Variants in TNFSF4 observed in about 807,000 individuals in gnomAD.
The protein encoded by TNFSF4 is tumor necrosis factor ligand superfamily member 4.
A neutral mutation model predicts 7.3 loss-of-function variants in TNFSF4; 4 were observed. The observed-to-expected ratio is 0.55, with a 90% confidence interval of 0.27 to 1.25. The LOEUF (loss-of-function observed/expected upper bound fraction) is 1.25, where lower values mean the gene tolerates loss of function less well. Among genes scored for constraint, TNFSF4 ranks in the 50% most tolerant of loss-of-function variants. TNFSF4 has a pLI of 0.12. For synonymous variants in TNFSF4, 76 were observed against 83.7 expected, an observed-to-expected ratio of 0.91 and a Z score of 0.50; for missense variants, 181 against 208.8, an observed-to-expected ratio of 0.87 and a Z score of 0.82.
At chr1:173,379,471 A>G in the TNFSF4 span, among the ~76,000 whole-genome samples, 1 of 152,126 alleles carries the variant, frequency 6.6e-6, no homozygotes, top group Non-Finnish European at 1.5e-5. Flanking sequence ...GTGGCTACAG[A>G]AGGCCTTAAG....
At chr1:173,390,165 A>G in the TNFSF4 span, among the ~76,000 whole-genome samples, 9 of 152,166 alleles carry the variant, frequency 5.9e-5, no homozygotes, top group East Asian at 1.9e-4. Flanking sequence ...GACTAGTACT[A>G]TAGTTATACT....
At chr1:173,330,415 T>C in the TNFSF4 span, among the ~76,000 whole-genome samples, 1 of 151,840 alleles carries the variant, frequency 6.6e-6, no homozygotes. Flanking sequence ...ATTTTTTCAT[T>C]AGTCTTCACA....
At chr1:173,227,546 A>G in the TNFSF4 span, among the ~76,000 whole-genome samples, 3 of 152,200 alleles carry the variant, frequency 2.0e-5, no homozygotes, top group Non-Finnish European at 4.4e-5. Flanking sequence ...TACTGGGTTT[A>G]TCTCACTGGG....
At chr1:173,446,760 A>G in the TNFSF4 span, among the ~76,000 whole-genome samples, 2 of 152,162 alleles carry the variant, frequency 1.3e-5, no homozygotes, top group Non-Finnish European at 2.9e-5. Context: ...CAAGTTCTTC[A>G]GCTTTTGGAC....
the TNFSF4 span, among the ~76,000 whole-genome samples, chr1:173,268,936 G>A: frequency 6.6e-6 from 1 of 152,088 alleles, no homozygotes; most frequent in African/African-American, 2.4e-5. Flanking sequence ...CTTAAGTGGT[G>A]CTGATAAAGA....
chr1:173,275,125 T>C, the TNFSF4 span, among the ~76,000 whole-genome samples: 2 of 152,078 alleles, frequency 1.3e-5, no homozygotes, highest in East Asian at 1.9e-4. Flanking sequence ...CCATTTTTAC[T>C]CATGGCAGAG....
chr1:173,368,528 A>G, the TNFSF4 span, among the ~76,000 whole-genome samples: 5 of 152,048 alleles, frequency 3.3e-5, no homozygotes, highest in Admixed American at 6.6e-5. Context: ...TGACTAGCAC[A>G]GGGCCTGACT....
At chr1:173,234,988 A>G in the TNFSF4 span, among the ~76,000 whole-genome samples, 2 of 152,176 alleles carry the variant, frequency 1.3e-5, no homozygotes, top group Non-Finnish European at 2.9e-5. Flanking sequence ...TATATCTTGC[A>G]GGAATAAAGG....
chr1:173,189,908 A>G (rs1299911522), intron 1 of TNFSF4, among the ~76,000 whole-genome samples: 1 of 152,238 alleles, frequency 6.6e-6, no homozygotes, highest in East Asian at 1.9e-4. Context: ...CTACTAAAAA[A>G]GAAAGTAGAA....
chr1:173,375,147 T>C, the TNFSF4 span, among the ~76,000 whole-genome samples: 3 of 152,204 alleles, frequency 2.0e-5, no homozygotes, highest in African/African-American at 7.2e-5. Context: ...TCGGATCCTG[T>C]ATTTTTAGCC....
At chr1:173,351,623 G>A in the TNFSF4 span, 1 of 230,426 alleles carries the variant, frequency 4.3e-6, no homozygotes, top group Non-Finnish European at 8.3e-6. Flanking sequence ...AAGATACAAT[G>A]TACCATAATC....
the TNFSF4 span, among the ~76,000 whole-genome samples, chr1:173,342,176 T>C: frequency 6.6e-6 from 1 of 152,166 alleles, no homozygotes; most frequent in Admixed American, 6.6e-5. Flanking sequence ...GCACAGATTC[T>C]ACAAGGAATC....
chr1:173,397,699 G>T, the TNFSF4 span, among the ~76,000 whole-genome samples: 1 of 152,148 alleles, frequency 6.6e-6, no homozygotes, highest in Non-Finnish European at 1.5e-5. Flanking sequence ...AGCTATCCTG[G>T]TGGGAAAGAT....
the TNFSF4 span, among the ~76,000 whole-genome samples, chr1:173,375,761 AG>A: frequency 1.3e-5 from 2 of 152,276 alleles, no homozygotes; most frequent in South Asian, 4.2e-4. Flanking sequence ...AGGGAATAAA[AG>A]CTGGCCACCC....
chr1:173,196,716 T>C (rs1272935882), intron 1 of TNFSF4, among the ~76,000 whole-genome samples: 1 of 152,244 alleles, frequency 6.6e-6, no homozygotes, highest in African/African-American at 2.4e-5. Flanking sequence ...ATGAAATCTA[T>C]GTGATTGACC....
chr1:173,422,336 A>AAAG, the TNFSF4 span, among the ~76,000 whole-genome samples: 1 of 151,632 alleles, frequency 6.6e-6, no homozygotes, highest in Middle Eastern at 3.4e-3. Context: ...GAAAAAAAAA[A>AAAG]AAAAAAAAAG....
intron 1 of TNFSF4, 139 bp from the exon 2 acceptor site, chr1:173,188,708 G>A (rs554293219): frequency 1.8e-6 from 1 of 565,228 alleles, no homozygotes; most frequent in Non-Finnish European, 3.1e-6. Context: ...TGACTTTTTT[G>A]TTGTTGTTGT....
At chr1:173,279,764 C>T in the TNFSF4 span, among the ~76,000 whole-genome samples, 1 of 152,128 alleles carries the variant, frequency 6.6e-6, no homozygotes, top group South Asian at 2.1e-4. Flanking sequence ...TTCCTTCTCT[C>T]ATTTCCCAGT....
At chr1:173,426,866 T>C in the TNFSF4 span, among the ~76,000 whole-genome samples, 3 of 152,058 alleles carry the variant, frequency 2.0e-5, no homozygotes, top group Non-Finnish European at 2.9e-5. Flanking sequence ...AGTGTTAGGA[T>C]TACAGGCGTG....
Sources: gnomAD v4.1 joint callset for allele counts (sites outside exome capture counted in the v4.1 genomes callset) on GRCh38, gnomAD v4.1.1 for gene constraint, MANE v1.5 for transcripts, NCBI Gene and HGNC (gene_info 2026-07-23, HGNC 2026-07-21) for gene names.